Variants in NUP160 observed in about 807,000 individuals in gnomAD.
NUP160 encodes nucleoporin 160.
NUP160 carries 94 observed loss-of-function variants against 196.9 expected under a neutral mutation model. The observed-to-expected ratio is 0.48, with a 90% CI of 0.40 to 0.57. NUP160 has a LOEUF of 0.57. NUP160 is among the 20% of genes least tolerant of loss of function. NUP160 has a pLI of 0.00. For missense variants in NUP160, 1,638 were observed against 1,748.3 expected, an observed-to-expected ratio of 0.94 and a Z score of 1.13; for synonymous variants, 605 against 619.7, an observed-to-expected ratio of 0.98 and a Z score of 0.35.
chr11:47,817,063 C>A (rs1000092430), intron 11 of NUP160, among the ~76,000 whole-genome samples: 1 of 151,428 alleles, frequency 6.6e-6, no homozygotes, highest in Non-Finnish European at 1.5e-5. Context: ...ATACCCTTTA[C>A]CTCCTGGGCT....
At position 47,812,669 on chromosome 11, in the gene NUP160, AT is replaced by A. The variant is rs200362437; in HGVS notation, c.1952+212del. 6.0e-3 allele frequency among the ~76,000 whole-genome samples: 907 copies of A among 152,328 alleles called. 7 individuals carry two copies. The highest frequency in any genetic ancestry group is 8.1e-3 in the Non-Finnish European group (550 of 68,026). The stretch of plus-strand genomic sequence containing the variant: ...CTTTTTAGAATTTTTAGCTCGGTTA[AT>A]TGTTAAAGCATATTTTATAAGTCTA... On this transcript the variant is annotated intron_variant, in intron 15 of 35. Transcript: ENST00000378460.
chr11:47,815,098 G>A (rs1324479610), intron 13 of NUP160: 1 of 153,880 alleles, frequency 6.5e-6, no homozygotes, highest in Non-Finnish European at 1.4e-5. Flanking sequence ...GGGTGTGATG[G>A]TGTACACCTG....
intron 21 of NUP160, 45 bp from the exon 22 acceptor site, chr11:47,803,581 C>T: frequency 9.7e-7 from 1 of 1,029,488 alleles, no homozygotes; most frequent in Non-Finnish European, 1.5e-6. Flanking sequence ...ATAAATGTTA[C>T]TTAAGGAGAT....
At position 47,798,275 on chromosome 11, in the gene NUP160, T is replaced by G. The variant is rs368017676; in HGVS notation, c.2992-13A>C. 5.7e-6 allele frequency: 9 copies of G among 1,584,848 alleles called. No individual in the cohort carries two copies. The African/African-American group carries it at 1.2e-4, about 21-fold the overall frequency. On this transcript the variant is annotated splice_polypyrimidine_tract_variant and intron_variant, in intron 24 of 35. Transcript: ENST00000378460. ...TCCTTAGAGTAGCCTAAATATCAAA[T>G]GTAGATCAAATATCAAAAAGAGCAA...
chr11:47,811,125 G>C (rs2097680865), intron 17 of NUP160, among the ~76,000 whole-genome samples: 1 of 152,094 alleles, frequency 6.6e-6, no homozygotes, highest in Admixed American at 6.6e-5. Flanking sequence ...AAGAAGAACA[G>C]AATGAAAAAG....
chr11:47,846,316 A>G (rs1852402642), intron 2 of NUP160, among the ~76,000 whole-genome samples: 1 of 152,184 alleles, frequency 6.6e-6, no homozygotes, highest in Non-Finnish European at 1.5e-5. Flanking sequence ...TCTAACATAA[A>G]GTCACTCTTT....
intron 23 of NUP160, among the ~76,000 whole-genome samples, chr11:47,800,625 C>G (rs778005631): frequency 1.3e-5 from 2 of 152,050 alleles, no homozygotes; most frequent in African/African-American, 2.4e-5. Flanking sequence ...CTACTGACCT[C>G]GTGATCCGCC....
intron 4 of NUP160, among the ~76,000 whole-genome samples, chr11:47,838,834 T>C (rs993564031): frequency 1.3e-5 from 2 of 151,940 alleles, no homozygotes; most frequent in African/African-American, 2.4e-5. Context: ...TGAAACCCTG[T>C]CTCTACTAAA....
chr11:47,783,329 T>C, intron 33 of NUP160, 131 bp from the exon 34 acceptor site: 1 of 1,160,106 alleles, frequency 8.6e-7, no homozygotes, highest in Non-Finnish European at 1.2e-6. Context: ...CTTGGTTTAC[T>C]CATCTGTATC....
intron 5 of NUP160, among the ~76,000 whole-genome samples, chr11:47,837,222 T>C (rs1322395899): frequency 3.3e-5 from 5 of 152,192 alleles, no homozygotes; most frequent in Non-Finnish European, 5.9e-5. Context: ...ACTGTTTCCT[T>C]TTATATTGTT....
intron 21 of NUP160, among the ~76,000 whole-genome samples, 172 bp from the exon 22 acceptor site, chr11:47,803,708 A>G (rs1415429123): frequency 1.3e-5 from 2 of 152,176 alleles, no homozygotes; most frequent in Non-Finnish European, 2.9e-5. Flanking sequence ...TTCTTCATCC[A>G]TTCCCCCTTT....
chr11:47,829,391 C>T (rs1852032397), intron 7 of NUP160, among the ~76,000 whole-genome samples: 1 of 152,182 alleles, frequency 6.6e-6, no homozygotes, highest in Non-Finnish European at 1.5e-5. Flanking sequence ...CTGCAACCTC[C>T]ACCACCAGGT....
intron 32 of NUP160, among the ~76,000 whole-genome samples, chr11:47,785,621 T>A (rs1218403727): frequency 6.6e-6 from 1 of 152,248 alleles, no homozygotes; most frequent in African/African-American, 2.4e-5. Context: ...CGTTATTTGT[T>A]TGGCTATTAA....
chr11:47,780,524 T>C (rs949511682), intron 34 of NUP160, 77 bp from the exon 35 acceptor site: 1 of 845,714 alleles, frequency 1.2e-6, no homozygotes, highest in Non-Finnish European at 1.9e-6. Flanking sequence ...CATAGGACTC[T>C]GTAGAATAAA....
intron 9 of NUP160, among the ~76,000 whole-genome samples, chr11:47,820,868 G>C (rs1793273230): frequency 6.6e-6 from 1 of 152,036 alleles, no homozygotes; most frequent in South Asian, 2.1e-4. Flanking sequence ...ATTTTTTATA[G>C]AGACAAGGTC....
intron 10 of NUP160, among the ~76,000 whole-genome samples, chr11:47,818,997 T>C (rs1412479451): frequency 6.6e-6 from 1 of 152,078 alleles, no homozygotes; most frequent in Non-Finnish European, 1.5e-5. Context: ...CTTTTTTATT[T>C]ATCCTGAGGG....
In NUP160 at chr11:47,816,065, A is replaced by T. The variant is rs761349339; in HGVS notation, c.1432-36T>A. 3.1e-5 allele frequency: 44 copies of T among 1,397,206 alleles called. No individual in the cohort carries two copies. In the Middle Eastern group the frequency reaches 8.8e-4, roughly 28 times the overall value. 86.6% of individuals were successfully genotyped at this position (1,397,206 alleles called of 1,614,324 possible). A position where few individuals can be genotyped will look rare whatever the true frequency, so the allele number is the denominator to read the frequency against. ...AAGACATTTTAGACTTCTATATAAT[A>T]GCCAAAACTGAATGGAAAACGTTTC... On this transcript the variant is annotated intron_variant, in intron 11 of 35. Coordinates refer to ENST00000378460, the Ensembl canonical transcript of NUP160.
chr11:47,819,382 C>T (rs1251047999), exon 10 of NUP160: 1 of 1,606,856 alleles, frequency 6.2e-7, no homozygotes, highest in Non-Finnish European at 8.5e-7. Flanking sequence ...ACTCTGGGGT[C>T]TTGATCATCT....
intron 2 of NUP160, among the ~76,000 whole-genome samples, chr11:47,845,082 A>C (rs1852373600): frequency 6.6e-6 from 1 of 152,224 alleles, no homozygotes. Context: ...AGAAATAACC[A>C]TAAAAATGGG....
Sources: allele counts gnomAD v4.1 joint callset (sites outside exome capture counted in the v4.1 genomes callset), GRCh38; gene constraint gnomAD v4.1.1; transcripts MANE v1.5; gene names NCBI Gene and HGNC (gene_info 2026-07-23, HGNC 2026-07-21).